CNTNAP2: variants seen among roughly 807,000 people sequenced by gnomAD.
CNTNAP2 encodes the protein contactin associated protein 2, also known as contactin-associated protein-like 2.
Under a neutral mutation model 155.2 loss-of-function variants are expected in CNTNAP2, and 98 were observed. That is an observed-to-expected ratio of 0.63 (90% CI 0.54 to 0.75). The LOEUF (loss-of-function observed/expected upper bound fraction) is 0.75. Among genes scored for constraint, CNTNAP2 ranks in the 30% least tolerant of loss-of-function variants. The probability of loss-of-function intolerance (pLI) is 0.00; values close to 1 mark genes in which losing one functional copy is unlikely to be tolerated. For synonymous variants in CNTNAP2, 651 were observed against 631.2 expected (o/e 1.03, Z -0.47); for missense variants, 1,727 against 1,688.1 (o/e 1.02, Z -0.40).
At chr7:147,944,314 T>C (rs1186580878) in intron 14 of CNTNAP2, among the ~76,000 whole-genome samples, 1 of 152,352 alleles carries the variant, frequency 6.6e-6, no homozygotes, top group East Asian at 1.9e-4. Context: ...ATAAATACCG[T>C]CTTTTAAAAC....
In CNTNAP2 at chr7:146,843,596, CAA is replaced by C. The variant is rs10639255; in HGVS notation, c.402+3707_402+3708del. Among the ~76,000 whole-genome samples, 1,036 of 126,530 alleles carry C rather than the reference CAA, an allele frequency of 8.2e-3. 15 individuals carry two copies. The highest frequency in any genetic ancestry group is 0.027 in the African/African-American group (887 of 33,062). The allele number at this position is 126,530 out of a possible 152,430, so 83.0% of individuals were successfully genotyped here. On this transcript the variant is annotated intron_variant, in intron 3 of 23. Transcript: ENST00000361727. ...AGAAATGTTTTAATCCTTACTAATA[CAA>C]AAAAAAAAAAAAAAGAGTCCAATCC...
At chr7:146,283,163 A>G (rs1367201289) in intron 1 of CNTNAP2, among the ~76,000 whole-genome samples, 1 of 152,254 alleles carries the variant, frequency 6.6e-6, no homozygotes, top group African/African-American at 2.4e-5. Context: ...TATTTAAAAT[A>G]CATACCACCT....
chr7:148,035,414 G>A (rs2710149), intron 15 of CNTNAP2, among the ~76,000 whole-genome samples: 3,561 of 152,158 alleles, frequency 0.023, 132 homozygotes, highest in African/African-American at 0.082. Context: ...TGCCCAGGGC[G>A]GCCTAGGGAC....
At chr7:148,305,489 C>A (rs6956705) in intron 21 of CNTNAP2, among the ~76,000 whole-genome samples, 24,827 of 152,058 alleles carry the variant, frequency 0.16, 3,009 homozygotes, top group African/African-American at 0.34. Context: ...GTCTGTCTTC[C>A]TTCTGCTATA....
intron 1 of CNTNAP2, among the ~76,000 whole-genome samples, chr7:146,264,899 T>A (rs1799970824): frequency 6.6e-6 from 1 of 152,184 alleles, no homozygotes; most frequent in Non-Finnish European, 1.5e-5. Flanking sequence ...GGTCATTGTA[T>A]CATAAGATGT....
rs538551536 is a variant in CNTNAP2 at position 147,407,938 on chromosome 7, A to G, written c.1670+12158A>G. Among the ~76,000 whole-genome samples, 72 of 152,350 alleles carry G rather than the reference A, an allele frequency of 4.7e-4. No individual in the cohort carries two copies. In the South Asian group the frequency reaches 0.014, roughly 30 times the overall value. On this transcript the variant is annotated intron_variant, in intron 10 of 23. Coordinates refer to ENST00000361727, the MANE Select transcript of CNTNAP2 (RefSeq NM_014141.6). Reference sequence around the variant, plus strand: ...GTGGAGGCACAGATAACCATGTCCCATTTCTGAAACAGTCAAGAGATCATT... The same window carrying G: ...GTGGAGGCACAGATAACCATGTCCCGTTTCTGAAACAGTCAAGAGATCATT...
Position 148,262,943 on chromosome 7 carries a change from C to G in CNTNAP2, c.3382-4090C>G, listed in dbSNP as rs139272853. The G allele has an allele frequency of 3.9e-5, 6 of 152,444 alleles. No homozygotes were observed. In the East Asian group the frequency reaches 9.6e-4, roughly 25 times the overall value. The allele number at this position is 152,444 out of a possible 1,614,324, so 9.4% of individuals were successfully genotyped here. On this transcript the variant is annotated intron_variant, in intron 20 of 23. Coordinates refer to ENST00000361727, the MANE Select transcript of CNTNAP2 (RefSeq NM_014141.6). ...TGGTAACACTCGGCAAAGCATCCGCCGTCAGCTGCAGAGCTGCTTTTCCTT... is the reference window on the plus strand; with the variant it reads ...TGGTAACACTCGGCAAAGCATCCGCGGTCAGCTGCAGAGCTGCTTTTCCTT...
intron 15 of CNTNAP2, among the ~76,000 whole-genome samples, chr7:148,078,167 G>A (rs1394134858): frequency 1.3e-5 from 2 of 152,004 alleles, no homozygotes; most frequent in East Asian, 1.9e-4. Flanking sequence ...GGGTTCAAGC[G>A]ATTCTCATGC....
At position 147,818,559 on chromosome 7, in the gene CNTNAP2, G is replaced by T. The variant is rs1456194626; in HGVS notation, c.2099-85006G>T. Among the ~76,000 whole-genome samples the T allele has an allele frequency of 5.3e-5, 8 of 152,216 alleles. 1 individual carries two copies. The highest frequency in any genetic ancestry group is 3.9e-4 in the Admixed American group (6 of 15,284). On this transcript the variant is annotated intron_variant, in intron 13 of 23. Transcript: ENST00000361727. ...TGTCCTAAAAGGAAGCACGTGGTCT[G>T]TTGGGAGATGCAGACAGCAGAATTA...
intron 1 of CNTNAP2, among the ~76,000 whole-genome samples, chr7:146,759,681 C>CAAAAAA (rs376817827): frequency 1.5e-4 from 8 of 54,646 alleles, no homozygotes; most frequent in African/African-American, 3.3e-4. Flanking sequence ...GTGAGACTGT[C>CAAAAAA]AAAAAAAAAA....
chr7:147,469,534 T>TTTTTTTTTTG (rs1428549805), intron 10 of CNTNAP2, among the ~76,000 whole-genome samples: 1 of 77,876 alleles, frequency 1.3e-5, no homozygotes, highest in East Asian at 3.2e-4. Flanking sequence ...TTTTTTTTTC[T>TTTTTTTTTTG]GTGAGACAAA....
chr7:147,344,609 C>T (rs1236993215), intron 9 of CNTNAP2, among the ~76,000 whole-genome samples: 1 of 152,008 alleles, frequency 6.6e-6, no homozygotes, highest in Non-Finnish European at 1.5e-5. Context: ...ATGGTAAAAC[C>T]CCATGATAAA....
At chr7:147,576,199 A>G (rs1484016646) in intron 12 of CNTNAP2, among the ~76,000 whole-genome samples, 2 of 152,084 alleles carry the variant, frequency 1.3e-5, no homozygotes, top group African/African-American at 4.8e-5. Context: ...AACCCAGCAG[A>G]GTGTCTGGTA....
At position 148,415,423 on chromosome 7, in the gene CNTNAP2, T is replaced by C. The variant is rs748244169; in HGVS notation, c.3803T>C (p.Ile1268Thr). The change falls in exon 24 of 24, where the codon ATT becomes ACT. Residue 1268 changes from isoleucine to threonine, a missense_variant. Coordinates refer to ENST00000361727, the MANE Select transcript of CNTNAP2 (RefSeq NM_014141.6). ...NRNSAIIGGVIAVVIFTILCT... is the reference protein window; with the variant it reads ...NRNSAIIGGVTAVVIFTILCT... ...CTTCTCCTTTCTCCGTCAGGCGTCA[T>C]TGCTGTGGTGATTTTCACCATCCTG... is the stretch of plus-strand genomic sequence containing the variant. 1.9e-6 allele frequency: 3 copies of C among 1,613,702 alleles called. No individual in the cohort carries two copies. The highest frequency in any genetic ancestry group is 2.5e-6 in the Non-Finnish European group (3 of 1,180,056).
chr7:147,168,347 T>G (rs1365818011), intron 8 of CNTNAP2, among the ~76,000 whole-genome samples: 1 of 151,934 alleles, frequency 6.6e-6, no homozygotes. Flanking sequence ...GATGTTATTT[T>G]AAGAGCTTGG....
chr7:147,494,454 T>C (rs1051213406), intron 11 of CNTNAP2, among the ~76,000 whole-genome samples: 1 of 127,824 alleles, frequency 7.8e-6, no homozygotes, highest in Non-Finnish European at 1.6e-5. Context: ...TATGTCTTTC[T>C]CTTTGAGTCT....
At chr7:146,328,367 TCTC>T (rs1462647668) in intron 1 of CNTNAP2, among the ~76,000 whole-genome samples, 11 of 152,060 alleles carry the variant, frequency 7.2e-5, no homozygotes, top group African/African-American at 2.2e-4. Flanking sequence ...CAAAATATCT[TCTC>T]CTTTGTTTTT....
At chr7:147,370,958 A>G (rs1305729528) in intron 9 of CNTNAP2, among the ~76,000 whole-genome samples, 1 of 152,146 alleles carries the variant, frequency 6.6e-6, no homozygotes, top group African/African-American at 2.4e-5. Flanking sequence ...CTTATAAAAT[A>G]CTATTTATAT....
chr7:146,456,130 C>T (rs1260603028), intron 1 of CNTNAP2, among the ~76,000 whole-genome samples: 3 of 151,980 alleles, frequency 2.0e-5, no homozygotes, highest in Non-Finnish European at 4.4e-5. Context: ...TGCTGATCTC[C>T]ATAATGGGAA....
Sources: gnomAD v4.1 joint callset for allele counts (sites outside exome capture counted in the v4.1 genomes callset) on GRCh38, gnomAD v4.1.1 for gene constraint, MANE v1.5 for transcripts, NCBI Gene and HGNC (gene_info 2026-07-23, HGNC 2026-07-21) for gene names.